ROBO1: variants seen among roughly 807,000 people sequenced by gnomAD.
The protein encoded by ROBO1 is roundabout guidance receptor 1, also known as roundabout homolog 1.
In ROBO1, 149 loss-of-function variants were observed where a neutral mutation model predicts 195.9. The observed-to-expected ratio is 0.76, with a 90% CI of 0.67 to 0.87. The LOEUF is 0.87. ROBO1 is among the 40% of genes least tolerant of loss of function. The pLI is 0.00. For missense variants in ROBO1, 1,933 were observed against 2,068.3 expected (o/e 0.93, Z 1.27); for synonymous variants, 816 against 733.2 (o/e 1.11, Z -1.82).
chr3:79,237,134 T>C (rs1011158464), intron 2 of ROBO1, among the ~76,000 whole-genome samples: 6 of 152,024 alleles, frequency 3.9e-5, no homozygotes, highest in Admixed American at 3.3e-4. Context: ...AATATAGAGA[T>C]TTTTGTAAAA....
intron 2 of ROBO1, among the ~76,000 whole-genome samples, chr3:79,166,686 C>G (rs997111422): frequency 4.0e-5 from 6 of 151,826 alleles, no homozygotes; most frequent in Admixed American, 3.9e-4. Context: ...CTGCCTCAGC[C>G]TCCCGACCAG....
intron 4 of ROBO1, among the ~76,000 whole-genome samples, chr3:78,852,441 G>A (rs1465236410): frequency 6.6e-6 from 1 of 152,068 alleles, no homozygotes; most frequent in Non-Finnish European, 1.5e-5. Context: ...CTCTTTAACA[G>A]GAGACTGGCA....
At chr3:79,118,855 C>T (rs2080061370) in intron 3 of ROBO1, among the ~76,000 whole-genome samples, 1 of 145,098 alleles carries the variant, frequency 6.9e-6, no homozygotes, top group Non-Finnish European at 1.5e-5. Context: ...CAGAGCAAGA[C>T]TCCAACTCAA....
chr3:79,613,683 A>T (rs1474739412), intron 1 of ROBO1, among the ~76,000 whole-genome samples: 1 of 152,084 alleles, frequency 6.6e-6, no homozygotes, highest in African/African-American at 2.4e-5. Flanking sequence ...ATACTGGCCA[A>T]CTGTTTTAGA....
intron 4 of ROBO1, among the ~76,000 whole-genome samples, chr3:78,784,488 A>G (rs2083771983): frequency 6.6e-6 from 1 of 152,164 alleles, no homozygotes; most frequent in South Asian, 2.1e-4. Flanking sequence ...AAAGTCCACA[A>G]TACTGTCTAG....
intron 2 of ROBO1, among the ~76,000 whole-genome samples, chr3:79,487,780 G>C (rs1939239259): frequency 6.6e-6 from 1 of 151,906 alleles, no homozygotes; most frequent in African/African-American, 2.4e-5. Flanking sequence ...TAACTTATGA[G>C]GTCAAAAATT....
At chr3:79,647,632 A>G (rs955693915) in intron 1 of ROBO1, among the ~76,000 whole-genome samples, 3 of 152,078 alleles carry the variant, frequency 2.0e-5, no homozygotes, top group African/African-American at 7.2e-5. Flanking sequence ...AGCACAGGAT[A>G]CAACCTTCTA....
chr3:79,039,830 A>G (rs1559613317), intron 3 of ROBO1, among the ~76,000 whole-genome samples: 1 of 149,976 alleles, frequency 6.7e-6, no homozygotes, highest in Non-Finnish European at 1.5e-5. Context: ...AGTTATGTCT[A>G]TTAAGGACAA....
intron 1 of ROBO1, among the ~76,000 whole-genome samples, chr3:79,764,831 C>A (rs1427600045): frequency 1.3e-5 from 2 of 152,140 alleles, no homozygotes; most frequent in Non-Finnish European, 2.9e-5. Context: ...CAGAACAATG[C>A]AGTTCTCTTT....
intron 28 of ROBO1, 124 bp from the exon 29 acceptor site, chr3:78,607,165 T>C: frequency 1.0e-6 from 1 of 956,336 alleles, no homozygotes; most frequent in Non-Finnish European, 1.5e-6. Context: ...ACTAGAATAC[T>C]TGAAGGTAAC....
intron 8 of ROBO1, among the ~76,000 whole-genome samples, chr3:78,712,198 A>C (rs1308976334): frequency 6.6e-6 from 1 of 152,128 alleles, no homozygotes; most frequent in Non-Finnish European, 1.5e-5. Context: ...ATCAATGATC[A>C]AAATTAAATA....
chr3:78,627,258 T>TA (rs1329634376), intron 26 of ROBO1, 63 bp downstream of exon 26: 114 of 1,539,104 alleles, frequency 7.4e-5, no homozygotes, highest in Admixed American at 1.2e-4. Flanking sequence ...TAGCATTTGG[T>TA]AACTTCCACT....
At chr3:79,287,256 C>A (rs2031943767) in intron 2 of ROBO1, among the ~76,000 whole-genome samples, 1 of 152,022 alleles carries the variant, frequency 6.6e-6, no homozygotes, top group South Asian at 2.1e-4. Flanking sequence ...TGTATCTATC[C>A]TCTGTCTTGT....
At chr3:78,614,549 A>T (rs2107359549) in intron 28 of ROBO1, 99 bp downstream of exon 28, 1 of 1,287,438 alleles carries the variant, frequency 7.8e-7, no homozygotes. Flanking sequence ...TAAATTTTTA[A>T]TGTAATTTCT....
intron 1 of ROBO1, among the ~76,000 whole-genome samples, chr3:79,704,303 G>T (rs1438102731): frequency 6.6e-6 from 1 of 151,896 alleles, no homozygotes; most frequent in Non-Finnish European, 1.5e-5. Flanking sequence ...ATCACATACA[G>T]AATATTTTCA....
intron 10 of ROBO1, among the ~76,000 whole-genome samples, chr3:78,674,453 CA>C (rs1204304695): frequency 6.6e-6 from 1 of 152,144 alleles, no homozygotes; most frequent in Non-Finnish European, 1.5e-5. Context: ...TAGTTTTACC[CA>C]TGAAGAATGA....
At chr3:79,574,916 C>G (rs951864785) in intron 2 of ROBO1, among the ~76,000 whole-genome samples, 3 of 150,894 alleles carry the variant, frequency 2.0e-5, no homozygotes, top group African/African-American at 7.3e-5. Flanking sequence ...TTAAAACAGA[C>G]AAAATAAAAC....
rs145363878 is a variant in ROBO1 at position 79,710,032 on chromosome 3, G to A, written c.-51+57720C>T. On this transcript the variant is annotated intron_variant, in intron 1 of 30. Transcript: ENST00000464233. ...CACCCAGTCTATGAAATTTGTTATA[G>A]CACTCTGAATGAAGAAAGACAGGGC... 3.9e-5 allele frequency among the ~76,000 whole-genome samples: 6 copies of A among 152,156 alleles called. No homozygotes were observed. The East Asian group carries it at 1.2e-3, about 29-fold the overall frequency.
chr3:79,289,863 C>G (rs1301181592), intron 2 of ROBO1, among the ~76,000 whole-genome samples: 2 of 151,902 alleles, frequency 1.3e-5, no homozygotes, highest in Non-Finnish European at 2.9e-5. Context: ...CAGCCTATGT[C>G]ACATAGGCTG....
Sources: allele counts gnomAD v4.1 joint callset (sites outside exome capture counted in the v4.1 genomes callset), GRCh38; gene constraint gnomAD v4.1.1; transcripts MANE v1.5; gene names NCBI Gene and HGNC (gene_info 2026-07-23, HGNC 2026-07-21).